PCDHA9: variants seen among roughly 807,000 people sequenced by gnomAD.
PCDHA9 encodes the protein protocadherin alpha-9.
PCDHA9 carries 62 observed loss-of-function variants against 62.0 expected under a neutral mutation model. That is an observed-to-expected ratio of 1.00 (90% confidence interval 0.81 to 1.23). PCDHA9 has a LOEUF of 1.23. PCDHA9 is among the 50% of genes most tolerant of loss of function. The pLI, the probability that PCDHA9 is intolerant of heterozygous loss-of-function variation, is 0.00. For synonymous variants in PCDHA9, 557 were observed against 567.6 expected (o/e 0.98, Z 0.27); for missense variants, 1,205 against 1,249.8 (o/e 0.96, Z 0.54).
chr5:140,966,259 G>A (rs1358322921), intron 1 of PCDHA9: 1 of 340,612 alleles, frequency 2.9e-6, no homozygotes, highest in Non-Finnish European at 5.3e-6. Context: ...AGACGGTGGA[G>A]ACTGGATGAA....
intron 1 of PCDHA9, chr5:140,926,673 A>T (rs998903830): frequency 2.1e-5 from 12 of 580,470 alleles, no homozygotes; most frequent in Non-Finnish European, 3.2e-5. Flanking sequence ...ACGGCTGCCC[A>T]GCCTCCAGCC....
rs782468691 is a variant in PCDHA9 at position 140,962,448 on chromosome 5, A to C, written c.2395-16501A>C. Reference sequence around the variant, plus strand: ...TGTTACTTATCCAAAGATGGCTTGAATCTCTTATGGCTTGAATCTCTTTGT... The same window carrying C: ...TGTTACTTATCCAAAGATGGCTTGACTCTCTTATGGCTTGAATCTCTTTGT... On this transcript the variant is annotated intron_variant, in intron 1 of 3. Coordinates refer to ENST00000532602, the MANE Select transcript of PCDHA9 (RefSeq NM_031857.2). Among the ~76,000 whole-genome samples the C allele has an allele frequency of 4.7e-4, 72 of 152,232 alleles. 1 individual carries two copies. The highest frequency in any genetic ancestry group is 6.8e-3 in the Middle Eastern group (2 of 294).
chr5:140,951,583 C>T (rs939168963), intron 1 of PCDHA9, among the ~76,000 whole-genome samples: 3 of 152,034 alleles, frequency 2.0e-5, no homozygotes, highest in Non-Finnish European at 4.4e-5. Flanking sequence ...CCAGATTTCA[C>T]GAGATCTCTC....
At chr5:140,924,812 T>G (rs947021976) in intron 1 of PCDHA9, among the ~76,000 whole-genome samples, 2 of 151,424 alleles carry the variant, frequency 1.3e-5, no homozygotes, top group African/African-American at 4.9e-5. Flanking sequence ...AGAGAATCGC[T>G]TGAACCTGGG....
At chr5:140,884,689 T>C (rs1290961484) in intron 1 of PCDHA9, 11 of 1,534,282 alleles carry the variant, frequency 7.2e-6, no homozygotes, top group Non-Finnish European at 9.6e-6. Flanking sequence ...AAAAATTGTC[T>C]TAGTAAACAC....
intron 1 of PCDHA9, among the ~76,000 whole-genome samples, chr5:140,959,860 A>G (rs1554224378): frequency 6.6e-6 from 1 of 152,230 alleles, no homozygotes; most frequent in East Asian, 1.9e-4. Context: ...GGAATTATGT[A>G]GCAAAATCTG....
chr5:140,900,534 T>C (rs1583392378), intron 1 of PCDHA9, among the ~76,000 whole-genome samples: 1 of 152,202 alleles, frequency 6.6e-6, no homozygotes, highest in Admixed American at 6.5e-5. Context: ...ACCTCGGCTT[T>C]CCAAAGTGCT....
intron 1 of PCDHA9, chr5:140,877,503 G>A (rs1056644080): frequency 3.6e-5 from 58 of 1,613,716 alleles, no homozygotes; most frequent in Non-Finnish European, 4.8e-5. Context: ...AGGCCCCAAA[G>A]ACGTCGTCGC....
At chr5:140,998,968 T>A (rs2097841777) in intron 3 of PCDHA9, among the ~76,000 whole-genome samples, 1 of 152,238 alleles carries the variant, frequency 6.6e-6, no homozygotes, top group Non-Finnish European at 1.5e-5. Context: ...TCAAATAGTA[T>A]CCTAGAAAAT....
chr5:140,916,717 T>C (rs781839792), intron 1 of PCDHA9, among the ~76,000 whole-genome samples: 1 of 151,908 alleles, frequency 6.6e-6, no homozygotes, highest in South Asian at 2.1e-4. Flanking sequence ...AAGGAAGGAG[T>C]GACTTTTGTT....
At chr5:140,982,816 G>A (rs970352633) in intron 3 of PCDHA9, among the ~76,000 whole-genome samples, 9 of 151,630 alleles carry the variant, frequency 5.9e-5, no homozygotes, top group Non-Finnish European at 1.0e-4. Flanking sequence ...TGTGTATGAA[G>A]TTTTTGGGGT....
At chr5:140,927,592 G>A in intron 1 of PCDHA9, 5 of 1,614,170 alleles carry the variant, frequency 3.1e-6, no homozygotes, top group Non-Finnish European at 4.2e-6. Context: ...GCCTGTATTT[G>A]AGCGCTCCGT....
chr5:141,003,411 G>A (rs537266386), intron 3 of PCDHA9, among the ~76,000 whole-genome samples: 4 of 152,092 alleles, frequency 2.6e-5, no homozygotes, highest in Non-Finnish European at 4.4e-5. Context: ...TCCCGGGTTC[G>A]AGTGATTCTT....
chr5:140,987,850 A>G lies in PCDHA9; in HGVS notation c.2542+5287A>G, dbSNP rs115051779. Among the ~76,000 whole-genome samples, 1,266 of 152,242 alleles carry G rather than the reference A, an allele frequency of 8.3e-3. 21 individuals are homozygous for G. Among genetic ancestry groups the G allele is most frequent in the African/African-American group, 0.028 (1,145 of 41,532 alleles). On this transcript the variant is annotated intron_variant, in intron 3 of 3. Coordinates refer to ENST00000532602, the MANE Select transcript of PCDHA9 (RefSeq NM_031857.2). ...GGGATTGCTTTTGCCCTGATTTGCCACATCTCTTTACTCTGTGGAAAATGG... is the reference window on the plus strand; with the variant it reads ...GGGATTGCTTTTGCCCTGATTTGCCGCATCTCTTTACTCTGTGGAAAATGG...
At chr5:140,940,572 C>G (rs1315567614) in intron 1 of PCDHA9, among the ~76,000 whole-genome samples, 1 of 152,096 alleles carries the variant, frequency 6.6e-6, no homozygotes, top group African/African-American at 2.4e-5. Context: ...CCTTGGCTCC[C>G]AAAGTGTTGG....
chr5:140,883,676 C>T lies in PCDHA9; in HGVS notation c.2394+32787C>T, dbSNP rs986680593. 6.2e-6 allele frequency: 10 copies of T among 1,613,792 alleles called. No homozygotes were observed. In the Admixed American group the frequency reaches 1.0e-4, roughly 16 times the overall value. On this transcript the variant is annotated intron_variant, in intron 1 of 3. Transcript: ENST00000532602. Reference sequence around the variant, plus strand: ...GGTGTTCGTGAAGGAAAACAATCCGCCGGGCTGCCACATCTTCACGGTGTC... The same window carrying T: ...GGTGTTCGTGAAGGAAAACAATCCGTCGGGCTGCCACATCTTCACGGTGTC...
intron 2 of PCDHA9, 142 bp from the exon 3 acceptor site, chr5:140,982,333 A>C (rs2096978357): frequency 1.4e-6 from 2 of 1,438,566 alleles, no homozygotes; most frequent in Admixed American, 4.6e-5. Context: ...ACTGCTCAGC[A>C]GTAATTGCTT....
At chr5:140,994,394 T>G (rs1332946220) in intron 3 of PCDHA9, among the ~76,000 whole-genome samples, 3 of 152,110 alleles carry the variant, frequency 2.0e-5, no homozygotes, top group African/African-American at 7.2e-5. Flanking sequence ...AGTCAGAGAT[T>G]ATTTGACATT....
intron 1 of PCDHA9, among the ~76,000 whole-genome samples, chr5:140,942,906 G>C (rs1454697434): frequency 6.6e-6 from 1 of 151,800 alleles, no homozygotes; most frequent in African/African-American, 2.4e-5. Context: ...CTAAGAATAA[G>C]CGTGAAGAAA....
Sources: allele counts gnomAD v4.1 joint callset (sites outside exome capture counted in the v4.1 genomes callset), GRCh38; gene constraint gnomAD v4.1.1; transcripts MANE v1.5; gene names NCBI Gene and HGNC (gene_info 2026-07-23, HGNC 2026-07-21).